OSBPL2: variants seen among roughly 807,000 people sequenced by gnomAD.
The protein encoded by OSBPL2 is oxysterol-binding protein-related protein 2.
OSBPL2 carries 18 observed loss-of-function variants against 58.4 expected under a neutral mutation model. The observed-to-expected ratio is 0.31, with a 90% confidence interval of 0.21 to 0.46. OSBPL2 has a LOEUF of 0.46. Among genes scored for constraint, OSBPL2 ranks in the 20% least tolerant of loss-of-function variants. The probability of loss-of-function intolerance (pLI) is 1.00; values close to 1 mark genes in which losing one functional copy is unlikely to be tolerated. For missense variants in OSBPL2, 461 were observed against 616.5 expected, an observed-to-expected ratio of 0.75 and a Z score of 2.67; for synonymous variants, 221 against 234.1, an observed-to-expected ratio of 0.94 and a Z score of 0.51.
At chr20:62,272,375 T>A in intron 5 of OSBPL2, 116 bp downstream of exon 5, 1 of 1,124,508 alleles carries the variant, frequency 8.9e-7, no homozygotes, top group Non-Finnish European at 1.3e-6. Context: ...CTCCCCCCAG[T>A]GTTCAGTGCC....
intron 4 of OSBPL2, among the ~76,000 whole-genome samples, chr20:62,265,352 A>G (rs1051048457): frequency 2.6e-5 from 4 of 152,116 alleles, no homozygotes; most frequent in Non-Finnish European, 5.9e-5. Context: ...AAAGTGTTCT[A>G]CCTTTGGTGT....
chr20:62,245,137 C>G (rs550930649), intron 1 of OSBPL2, among the ~76,000 whole-genome samples: 1 of 149,912 alleles, frequency 6.7e-6, no homozygotes, highest in Non-Finnish European at 1.5e-5. Context: ...TTGCCTCTGT[C>G]GCCCAGGCTG....
chr20:62,271,206 T>G (rs1982031310), intron 4 of OSBPL2, among the ~76,000 whole-genome samples: 1 of 151,972 alleles, frequency 6.6e-6, no homozygotes, highest in Admixed American at 6.6e-5. Context: ...GAGTGGCCCC[T>G]GTGGGCACTC....
intron 5 of OSBPL2, 102 bp from the exon 6 acceptor site, chr20:62,273,207 A>G (rs1982178868): frequency 1.2e-6 from 1 of 862,238 alleles, no homozygotes; most frequent in Non-Finnish European, 1.9e-6. Context: ...CGGAACAAAT[A>G]GTGACAGAAA....
At chr20:62,283,175 C>T (rs771086460) in intron 9 of OSBPL2, among the ~76,000 whole-genome samples, 2 of 152,196 alleles carry the variant, frequency 1.3e-5, no homozygotes, top group African/African-American at 2.4e-5. Context: ...AGGCCAGACT[C>T]GCTGACCTTC....
chr20:62,274,513 TGTCTCTGTGACAGGGCTAAGCTGTG>T (rs1387002363), intron 6 of OSBPL2, among the ~76,000 whole-genome samples: 1 of 152,234 alleles, frequency 6.6e-6, no homozygotes, highest in Non-Finnish European at 1.5e-5. Context: ...GTTCAGCTGC[TGTCTCTGTGACAGGGCTAAGCTGTG>T]GTTCTGAAGG....
rs144113313 is a variant in OSBPL2, at chr20:62,266,393, C to T, written c.258+2702C>T. Among the ~76,000 whole-genome samples, 50 of 152,344 alleles carry T rather than the reference C, an allele frequency of 3.3e-4. No homozygotes were observed. In the East Asian group the frequency reaches 9.4e-3, roughly 29 times the overall value. ...CTTCTCAGCTTGTATTGAAAAAACA[C>T]AAGCACACTTGGCAACGTGGACAGT... On this transcript the variant is annotated intron_variant, in intron 4 of 13. Coordinates refer to ENST00000313733, the MANE Select transcript of OSBPL2 (RefSeq NM_144498.4).
At chr20:62,286,034 A>G (rs1983096468) in intron 10 of OSBPL2, 1 of 158,068 alleles carries the variant, frequency 6.3e-6, no homozygotes. Flanking sequence ...GTTAGAACAG[A>G]CAGCACAGCC....
intron 7 of OSBPL2, chr20:62,279,900 T>C (rs957389804): frequency 7.2e-5 from 91 of 1,262,972 alleles, no homozygotes; most frequent in Non-Finnish European, 9.2e-5. Context: ...CCTGTGCTCA[T>C]GTGGCAGGGG....
intron 7 of OSBPL2, among the ~76,000 whole-genome samples, chr20:62,280,516 G>A (rs796123211): frequency 4.6e-5 from 7 of 152,368 alleles, no homozygotes; most frequent in African/African-American, 1.7e-4. Context: ...GCAGATTTCT[G>A]CCTTCACTGT....
At position 62,279,178 on chromosome 20, in the gene OSBPL2, T is replaced by C; in HGVS notation, c.513T>C (p.Phe171=). The C allele has an allele frequency of 6.2e-7, 1 of 1,612,574 alleles. No individual in the cohort carries two copies. The highest frequency in any genetic ancestry group is 1.1e-5 in the South Asian group (1 of 90,858). The change falls in exon 7 of 14, where the codon TTT becomes TTC. Residue 171 remains phenylalanine, a synonymous_variant. Coordinates refer to ENST00000313733, the MANE Select transcript of OSBPL2 (RefSeq NM_144498.4). ...ELIREDLGFR[F]ISEQVSHHPP... ...CTAGGGAAGATTTAGGATTCAGATT[T>C]ATATCGGAACAGGTCAGTCACCACC...
In OSBPL2 at chr20:62,294,311, A is replaced by C. The variant is rs1314727298; in HGVS notation, c.*424A>C. ...TTTTAAACTCGAACCAGTGGGGGAA[A>C]GATGGATCTTGAAGCTAATCCTGCA... On this transcript the variant is annotated 3_prime_UTR_variant, in exon 14 of 14. Coordinates refer to ENST00000313733, the MANE Select transcript of OSBPL2 (RefSeq NM_144498.4). The C allele has an allele frequency of 5.8e-6, 1 of 171,642 alleles. No individual in the cohort carries two copies. The highest frequency in any genetic ancestry group is 2.4e-5 in the African/African-American group (1 of 41,902). 10.6% of individuals were successfully genotyped at this position (171,642 alleles called of 1,614,324 possible). A position where few individuals can be genotyped will look rare whatever the true frequency, so the allele number is the denominator to read the frequency against.
chr20:62,283,392 A>T (rs763363020), intron 9 of OSBPL2, among the ~76,000 whole-genome samples: 8 of 151,912 alleles, frequency 5.3e-5, no homozygotes, highest in Non-Finnish European at 1.0e-4. Context: ...ACTTCCCGGG[A>T]GTCTGTGGTC....
chr20:62,252,383 G>A (rs536843534), intron 1 of OSBPL2, among the ~76,000 whole-genome samples: 45 of 152,066 alleles, frequency 3.0e-4, no homozygotes, highest in Non-Finnish European at 5.0e-4. Flanking sequence ...TGGGTTGGTC[G>A]TGCATGGGTT....
chr20:62,282,860 C>T (rs1019400998), intron 9 of OSBPL2, among the ~76,000 whole-genome samples: 1 of 152,202 alleles, frequency 6.6e-6, no homozygotes, highest in Non-Finnish European at 1.5e-5. Context: ...TCTGCTCTGT[C>T]CACCCTCTAT....
rs186638612 is a variant in OSBPL2, at chr20:62,259,975, G to T, written c.38-6G>T. The T allele has an allele frequency of 6.2e-7, 1 of 1,611,252 alleles. No individual in the cohort carries two copies. The highest frequency in any genetic ancestry group is 2.2e-5 in the East Asian group (1 of 44,830). The stretch of plus-strand genomic sequence containing the variant: ...GCGAAAATGACCATTTTCTTGTCTC[G>T]CACAGGCTTTGATTCTGATAACTCT... On this transcript the variant is annotated splice_polypyrimidine_tract_variant and splice_region_variant and intron_variant, in intron 2 of 13. Coordinates refer to ENST00000313733, the MANE Select transcript of OSBPL2 (RefSeq NM_144498.4).
At chr20:62,239,821 A>T (rs1482610762) in intron 1 of OSBPL2, among the ~76,000 whole-genome samples, 1 of 152,078 alleles carries the variant, frequency 6.6e-6, no homozygotes, top group Non-Finnish European at 1.5e-5. Context: ...GACATGTAGC[A>T]CTTTGCTGAT....
intron 1 of OSBPL2, among the ~76,000 whole-genome samples, chr20:62,243,722 C>T (rs1395763824): frequency 6.6e-6 from 1 of 151,886 alleles, no homozygotes; most frequent in East Asian, 1.9e-4. Flanking sequence ...TGGAGGCCCA[C>T]GGTGGGGTCA....
intron 1 of OSBPL2, among the ~76,000 whole-genome samples, chr20:62,254,620 G>A (rs1300692236): frequency 6.6e-6 from 1 of 152,262 alleles, no homozygotes; most frequent in Non-Finnish European, 1.5e-5. Flanking sequence ...GCAGGGCTGC[G>A]GGATGAGCCG....
Sources: allele counts gnomAD v4.1 joint callset (sites outside exome capture counted in the v4.1 genomes callset), GRCh38; gene constraint gnomAD v4.1.1; transcripts MANE v1.5; gene names NCBI Gene and HGNC (gene_info 2026-07-23, HGNC 2026-07-21).